Variants in OLIG2 observed in about 807,000 individuals in gnomAD.
OLIG2 encodes the protein basic domain, helix-loop-helix protein, class B, 1.
Under a neutral mutation model 13.4 loss-of-function variants are expected in OLIG2, and 12 were observed. The ratio of observed to expected loss-of-function variants is 0.90; its 90% CI spans 0.58 to 1.46. OLIG2 has a LOEUF of 1.46. Among genes scored for constraint, OLIG2 ranks in the 40% most tolerant of loss-of-function variants. The pLI, the probability that OLIG2 is intolerant of heterozygous loss-of-function variation, is 0.00. For synonymous variants in OLIG2, 250 were observed against 233.6 expected (o/e 1.07, Z -0.64); for missense variants, 415 against 487.9 (o/e 0.85, Z 1.41).
In OLIG2 at chr21:33,028,058, G is replaced by T. The variant is rs905707374; in HGVS notation, c.*224G>T. The T allele has an allele frequency of 1.8e-5, 8 of 451,240 alleles. No individual in the cohort carries two copies. Among genetic ancestry groups the T allele is most frequent in the African/African-American group, 1.6e-4 (8 of 48,926 alleles). The allele number at this position is 451,240 out of a possible 1,614,324, so 28.0% of individuals were successfully genotyped here. A position where few individuals can be genotyped will look rare whatever the true frequency, so the allele number is the denominator to read the frequency against. Reference sequence around the variant, plus strand: ...TGTTCTCTCCGGGACCTGATCGAGCGCTGTCTGGCTTTAACCTGAGCTGGT... The same window carrying T: ...TGTTCTCTCCGGGACCTGATCGAGCTCTGTCTGGCTTTAACCTGAGCTGGT... On this transcript the variant is annotated 3_prime_UTR_variant, in exon 2 of 2. Coordinates refer to ENST00000382357, the MANE Select transcript of OLIG2 (RefSeq NM_005806.4).
In OLIG2 at chr21:33,027,867, G is replaced by A. The variant is rs553898573; in HGVS notation, c.*33G>A. 176 of 1,362,442 alleles carry A rather than the reference G, an allele frequency of 1.3e-4. No individual in the cohort carries two copies. The East Asian group carries it at 4.8e-3, about 37-fold the overall frequency. 84.4% of individuals were successfully genotyped at this position (1,362,442 alleles called of 1,614,324 possible). A position where few individuals can be genotyped will look rare whatever the true frequency, so the allele number is the denominator to read the frequency against. ...GGCGCCGGCGCGTTCTGGCGACAGG[G>A]GAGCCAGGGGCCGCGGGGAAGCGAG... is the stretch of plus-strand genomic sequence containing the variant. On this transcript the variant is annotated 3_prime_UTR_variant, in exon 2 of 2. Transcript: ENST00000382357.
rs987689260 is a variant in OLIG2, at chr21:33,028,206, G to A, written c.*372G>A. 26 of 260,118 alleles carry A rather than the reference G, an allele frequency of 1.0e-4. No individual in the cohort carries two copies. The highest frequency in any genetic ancestry group is 1.8e-4 in the Non-Finnish European group (23 of 129,148). 16.1% of individuals were successfully genotyped at this position (260,118 alleles called of 1,614,324 possible). On this transcript the variant is annotated 3_prime_UTR_variant, in exon 2 of 2. Coordinates refer to ENST00000382357, the MANE Select transcript of OLIG2 (RefSeq NM_005806.4). ...ACTTCTTTCCCTGAGAGCGTGGCCT[G>A]ACTTGCAGACTCGGCTTGGGCAGCA...
rs910754023 is a variant in OLIG2 at position 33,027,397 on chromosome 21, G to A, written c.535G>A (p.Gly179Ser). 2.6e-6 allele frequency: 4 copies of A among 1,547,832 alleles called. No individual in the cohort carries two copies. Among genetic ancestry groups the A allele is most frequent in the African/African-American group, 1.4e-5 (1 of 73,018 alleles). The change falls in exon 2 of 2, where the codon GGC becomes AGC. Residue 179 changes from glycine (G) to serine (S), a missense_variant. Physicochemically the swap from Gly to Ser is moderately conservative, Grantham distance 56. This residue lies in a region of OLIG2 where 243 missense variants were observed against 241.2 expected (regional missense o/e 1.01). Transcript: ENST00000382357. ...MKRLVSEIYG[G>S]HHAGFHPSAC... is the part of the protein sequence containing the mutation. ...GCGACTGGTGAGCGAGATCTACGGGGGCCACCACGCTGGCTTCCACCCGTC... is the reference window on the plus strand; with the variant it reads ...GCGACTGGTGAGCGAGATCTACGGGAGCCACCACGCTGGCTTCCACCCGTC...
rs908399142 is a variant in OLIG2, at chr21:33,027,189, G to A, written c.327G>A (p.Leu109=). 1.2e-5 allele frequency: 20 copies of A among 1,611,088 alleles called. No homozygotes were observed. The highest frequency in any genetic ancestry group is 4.4e-5 in the South Asian group (4 of 90,498). The part of the protein sequence containing the change: ...KQMTEPELQQ[L]RLKINSRERK... ...TGACAGAGCCGGAGCTGCAGCAGCT[G>A]CGTCTCAAGATCAACAGCCGCGAGC... Residue 109 remains leucine (L), a synonymous_variant, in exon 2 of 2, where the codon CTG becomes CTA. Transcript: ENST00000382357.
Position 33,027,801 on chromosome 21 carries a change from C to A in OLIG2, c.939C>A (p.Gly313=), listed in dbSNP as rs1237415269. 7.0e-7 allele frequency: 1 copy of A among 1,427,582 alleles called. No homozygotes were observed. The highest frequency in any genetic ancestry group is 1.4e-5 in the South Asian group (1 of 70,800). The allele number at this position is 1,427,582 out of a possible 1,614,324, so 88.4% of individuals were successfully genotyped here. A position where few individuals can be genotyped will look rare whatever the true frequency, so the allele number is the denominator to read the frequency against. ...ACCACGTGTCGGCTATGGGCGCCGG[C>A]AGCCTGCCGCGCCTCACCTCCGACG... ...PHHHVSAMGA[G]SLPRLTSDAK Residue 313 remains glycine, a synonymous_variant, in exon 2 of 2, where the codon GGC becomes GGA. Coordinates refer to ENST00000382357, the MANE Select transcript of OLIG2 (RefSeq NM_005806.4).
At position 33,028,316 on chromosome 21, in the gene OLIG2, C is replaced by G. The variant is rs571175003; in HGVS notation, c.*482C>G. The G allele has an allele frequency of 7.0e-5, 17 of 243,820 alleles. No homozygotes were observed. Among genetic ancestry groups the G allele is most frequent in the Non-Finnish European group, 1.4e-4 (16 of 116,002 alleles). The allele number at this position is 243,820 out of a possible 1,614,324, so 15.1% of individuals were successfully genotyped here. On this transcript the variant is annotated 3_prime_UTR_variant, in exon 2 of 2. Coordinates refer to ENST00000382357, the MANE Select transcript of OLIG2 (RefSeq NM_005806.4). Reference sequence around the variant, plus strand: ...TCCTTTCTTGGCGGGTGGGAGACTCCGGGTAGCCGCACTGCAGAAGCAACA... The same window carrying G: ...TCCTTTCTTGGCGGGTGGGAGACTCGGGGTAGCCGCACTGCAGAAGCAACA...
In OLIG2 at chr21:33,028,241, G is replaced by A. The variant is rs538181459; in HGVS notation, c.*407G>A. The A allele has an allele frequency of 4.0e-6, 1 of 248,994 alleles. No homozygotes were observed. The highest frequency in any genetic ancestry group is 8.2e-6 in the Non-Finnish European group (1 of 121,620). The allele number at this position is 248,994 out of a possible 1,614,324, so 15.4% of individuals were successfully genotyped here. On this transcript the variant is annotated 3_prime_UTR_variant, in exon 2 of 2. Transcript: ENST00000382357. ...CTCGGCTTGGGCAGCACTTCGGGGGGGGAGGGGGTGTTATGGGAGGGGGAC... is the reference window on the plus strand; with the variant it reads ...CTCGGCTTGGGCAGCACTTCGGGGGAGGAGGGGGTGTTATGGGAGGGGGAC...
At position 33,026,971 on chromosome 21, in the gene OLIG2, G is replaced by A. The variant is rs1981104095; in HGVS notation, c.109G>A (p.Gly37Ser). The change falls in exon 2 of 2, where the codon GGC becomes AGC. Residue 37 changes from glycine (G) to serine (S), a missense_variant. Gly to Ser is a moderately conservative substitution (Grantham distance 56, BLOSUM62 0). Coordinates refer to ENST00000382357, the MANE Select transcript of OLIG2 (RefSeq NM_005806.4). This position sits in a 1 kb window ranked among gnomAD's most constrained non-coding sequence, Gnocchi z 6.6. ...CAGCAGCGGCAGCGCCTTCACTGGG[G>A]GCACCGTGTCCTCGTCCACCCCGAG... ...KGSSGSAFTG[G>S]TVSSSTPSDC... 2 of 1,612,382 alleles carry A rather than the reference G, an allele frequency of 1.2e-6. No individual in the cohort carries two copies. The highest frequency in any genetic ancestry group is 1.3e-5 in the African/African-American group (1 of 74,906).
In OLIG2 at chr21:33,027,390, C is replaced by T. The variant is rs751393634; in HGVS notation, c.528C>T (p.Ile176=). The change falls in exon 2 of 2, where the codon ATC becomes ATT. Residue 176 remains isoleucine, a synonymous_variant. Transcript: ENST00000382357. ...AGATGAAGCGACTGGTGAGCGAGAT[C>T]TACGGGGGCCACCACGCTGGCTTCC... ...LEEMKRLVSE[I]YGGHHAGFHP... 7 of 1,548,698 alleles carry T rather than the reference C, an allele frequency of 4.5e-6. No homozygotes were observed. Among genetic ancestry groups the T allele is most frequent in the African/African-American group, 4.1e-5 (3 of 73,054 alleles).
chr21:33,027,501 T>A lies in OLIG2; in HGVS notation c.639T>A (p.His213Gln). 1 of 1,483,156 alleles carries A rather than the reference T, an allele frequency of 6.7e-7. No homozygotes were observed. Among genetic ancestry groups the A allele is most frequent in the Non-Finnish European group, 8.9e-7 (1 of 1,125,230 alleles). The allele number at this position is 1,483,156 out of a possible 1,614,324, so 91.9% of individuals were successfully genotyped here. A position where few individuals can be genotyped will look rare whatever the true frequency, so the allele number is the denominator to read the frequency against. The change falls in exon 2 of 2, where the codon CAT (histidine) becomes CAA (glutamine). Residue 213 changes from histidine (H) to glutamine (Q), a missense_variant. This residue lies in a region of OLIG2 where 243 missense variants were observed against 241.2 expected (regional missense o/e 1.01). Transcript: ENST00000382357. ...AHPAAAAHAAHHPAVHHPILP... is the reference protein window; with the variant it reads ...AHPAAAAHAAQHPAVHHPILP... ...CGGCAGCAGCAGCGCACGCCGCACA[T>A]CACCCCGCGGTGCACCACCCCATCC...
chr21:33,027,098 C>T lies in OLIG2; in HGVS notation c.236C>T (p.Ser79Leu). 6.2e-7 allele frequency: 1 copy of T among 1,611,614 alleles called. No homozygotes were observed. ...KLGGSGFKSS[S>L]SSTSSSTSSA... The stretch of plus-strand genomic sequence containing the variant: ...GGAGGCAGTGGCTTCAAGTCATCCT[C>T]GTCCAGCACCTCGTCGTCTACGTCG... The change falls in exon 2 of 2, where the codon TCG becomes TTG. Residue 79 changes from serine (S) to leucine (L), a missense_variant. Ser to Leu is a moderately radical substitution (Grantham distance 145). Coordinates refer to ENST00000382357, the MANE Select transcript of OLIG2 (RefSeq NM_005806.4).
rs1261152405 is a variant in OLIG2, at chr21:33,026,715, C to A, written c.-62-86C>A. The A allele has an allele frequency of 9.4e-6, 10 of 1,066,972 alleles. No homozygotes were observed. The East Asian group carries it at 2.6e-4, about 28-fold the overall frequency. 66.1% of individuals were successfully genotyped at this position (1,066,972 alleles called of 1,614,324 possible). A position where few individuals can be genotyped will look rare whatever the true frequency, so the allele number is the denominator to read the frequency against. ...GGTACTGCGGTGCAGGCGGGAGCAG[C>A]TTTTCTGTCTCTCACTGACTCACTC... On this transcript the variant is annotated intron_variant, in intron 1 of 1. Transcript: ENST00000382357. The surrounding 1 kb of genome is among the most constrained non-coding windows in gnomAD (Gnocchi z 6.6).
rs1360483371 is a variant in OLIG2, at chr21:33,028,255, T to C, written c.*421T>C. ...CACTTCGGGGGGGGAGGGGGTGTTA[T>C]GGGAGGGGGACACATTGGGGCCTTG... On this transcript the variant is annotated 3_prime_UTR_variant, in exon 2 of 2. Coordinates refer to ENST00000382357, the MANE Select transcript of OLIG2 (RefSeq NM_005806.4). 4.1e-6 allele frequency: 1 copy of C among 240,972 alleles called. No individual in the cohort carries two copies. Among genetic ancestry groups the C allele is most frequent in the Non-Finnish European group, 8.6e-6 (1 of 116,248 alleles). 14.9% of individuals were successfully genotyped at this position (240,972 alleles called of 1,614,324 possible).
In OLIG2 at chr21:33,026,730, C is replaced by A; in HGVS notation, c.-62-71C>A. The A allele has an allele frequency of 8.5e-7, 1 of 1,177,502 alleles. No individual in the cohort carries two copies. The highest frequency in any genetic ancestry group is 1.2e-6 in the Non-Finnish European group (1 of 860,142). The allele number at this position is 1,177,502 out of a possible 1,614,324, so 72.9% of individuals were successfully genotyped here. A position where few individuals can be genotyped will look rare whatever the true frequency, so the allele number is the denominator to read the frequency against. On this transcript the variant is annotated intron_variant, in intron 1 of 1. Transcript: ENST00000382357. This position sits in a 1 kb window ranked among gnomAD's most constrained non-coding sequence, Gnocchi z 6.6. ...GCGGGAGCAGCTTTTCTGTCTCTCA[C>A]TGACTCACTCTCTCTCTCTCTCCCT...
Position 33,027,774 on chromosome 21 carries a change from C to G in OLIG2, c.912C>G (p.His304Gln). 1 of 1,423,812 alleles carries G rather than the reference C, an allele frequency of 7.0e-7. No homozygotes were observed. Among genetic ancestry groups the G allele is most frequent in the Non-Finnish European group, 9.1e-7 (1 of 1,094,532 alleles). 88.2% of individuals were successfully genotyped at this position (1,423,812 alleles called of 1,614,324 possible). The change falls in exon 2 of 2, where the codon CAC becomes CAG. Residue 304 changes from histidine to glutamine, a missense_variant. Around this residue, in one of 3 missense-constraint regions of OLIG2, gnomAD observed 243 missense variants for 241.2 expected, o/e 1.01. Transcript: ENST00000382357. ...PCSMCQVPPP[H>Q]HHVSAMGAGS... ...GCATGTGCCAGGTGCCGCCGCCGCA[C>G]CACCACGTGTCGGCTATGGGCGCCG...
chr21:33,028,187 T>G lies in OLIG2; in HGVS notation c.*353T>G. 3.7e-6 allele frequency: 1 copy of G among 271,516 alleles called. No homozygotes were observed. Among genetic ancestry groups the G allele is most frequent in the Non-Finnish European group, 7.3e-6 (1 of 136,272 alleles). The allele number at this position is 271,516 out of a possible 1,614,324, so 16.8% of individuals were successfully genotyped here. A position where few individuals can be genotyped will look rare whatever the true frequency, so the allele number is the denominator to read the frequency against. ...CCGGGAAAAGATTCTAAAAACTTCT[T>G]TCCCTGAGAGCGTGGCCTGACTTGC... On this transcript the variant is annotated 3_prime_UTR_variant, in exon 2 of 2. Transcript: ENST00000382357.
chr21:33,026,740 C>G lies in OLIG2; in HGVS notation c.-62-61C>G. 4 of 1,252,868 alleles carry G rather than the reference C, an allele frequency of 3.2e-6. No individual in the cohort carries two copies. Among genetic ancestry groups the G allele is most frequent in the Non-Finnish European group, 4.3e-6 (4 of 921,460 alleles). 77.6% of individuals were successfully genotyped at this position (1,252,868 alleles called of 1,614,324 possible). A position where few individuals can be genotyped will look rare whatever the true frequency, so the allele number is the denominator to read the frequency against. On this transcript the variant is annotated intron_variant, in intron 1 of 1. Transcript: ENST00000382357. This position sits in a 1 kb window ranked among gnomAD's most constrained non-coding sequence, Gnocchi z 6.6. ...CTTTTCTGTCTCTCACTGACTCACT[C>G]TCTCTCTCTCTCCCTCTCTCTCTCT... is the stretch of plus-strand genomic sequence containing the variant.
Position 33,027,650 on chromosome 21 carries a change from C to A in OLIG2, c.788C>A (p.Ser263Tyr). Residue 263 changes from serine to tyrosine, a missense_variant, in exon 2 of 2, where the codon TCT (serine) becomes TAT (tyrosine). Ser to Tyr is a moderately radical substitution (Grantham distance 144, BLOSUM62 -2). Transcript: ENST00000382357. ...SIRPPHGLLK[S>Y]PSAAAAAPLG... ...CGTCCACCGCACGGCCTACTCAAGTCTCCGTCTGCTGCCGCGGCCGCCCCG... is the reference window on the plus strand; with the variant it reads ...CGTCCACCGCACGGCCTACTCAAGTATCCGTCTGCTGCCGCGGCCGCCCCG... 7.0e-7 allele frequency: 1 copy of A among 1,423,910 alleles called. No individual in the cohort carries two copies. The allele number at this position is 1,423,910 out of a possible 1,614,324, so 88.2% of individuals were successfully genotyped here.
chr21:33,027,300 T>G lies in OLIG2; in HGVS notation c.438T>G (p.Leu146=). The G allele has an allele frequency of 6.2e-7, 1 of 1,605,004 alleles. No homozygotes were observed. The highest frequency in any genetic ancestry group is 8.5e-7 in the Non-Finnish European group (1 of 1,176,148). ...CACACGGCCCTTCGGTGCGCAAGCT[T>G]TCCAAGATCGCCACGCTGCTGCTGG... ...PYAHGPSVRK[L]SKIATLLLAR... is the part of the protein sequence containing the mutation. Residue 146 remains leucine (L), a synonymous_variant, in exon 2 of 2, where the codon CTT becomes CTG. Coordinates refer to ENST00000382357, the MANE Select transcript of OLIG2 (RefSeq NM_005806.4).
Sources: gnomAD v4.1 joint callset for allele counts on GRCh38, gnomAD v4.1.1 for gene constraint, gnomAD v4.1.1 regional missense constraint, Gnocchi (gnomAD v3.1) non-coding constraint, MANE v1.5 for transcripts, NCBI Gene and HGNC (gene_info 2026-07-23, HGNC 2026-07-21) for gene names.